Variants in DNAJC1 observed in about 807,000 individuals in gnomAD.
DNAJC1 encodes the protein dnaJ homolog subfamily C member 1.
Under a neutral mutation model 76.6 loss-of-function variants are expected in DNAJC1, and 58 were observed. The observed-to-expected ratio is 0.76, with a 90% confidence interval of 0.61 to 0.94. The LOEUF (loss-of-function observed/expected upper bound fraction) is 0.94. Ranked by LOEUF, DNAJC1 falls within the 40% of genes least tolerant of loss-of-function variation. The probability of loss-of-function intolerance (pLI) is 0.00; values close to 1 mark genes in which losing one functional copy is unlikely to be tolerated. For synonymous variants in DNAJC1, 258 were observed against 267.9 expected, an observed-to-expected ratio of 0.96 and a Z score of 0.36; for missense variants, 689 against 677.3, an observed-to-expected ratio of 1.02 and a Z score of -0.19.
At chr10:21,902,996 T>C (rs533337174) in intron 7 of DNAJC1, among the ~76,000 whole-genome samples, 1 of 152,198 alleles carries the variant, frequency 6.6e-6, no homozygotes, top group African/African-American at 2.4e-5. Context: ...GGCGTGATCT[T>C]GGCTCACTGC....
At chr10:21,900,380 T>C (rs1836630850) in intron 7 of DNAJC1, among the ~76,000 whole-genome samples, 1 of 151,150 alleles carries the variant, frequency 6.6e-6, no homozygotes. Flanking sequence ...GATAAAGAAA[T>C]TTGACTAATT....
At chr10:21,830,385 CAAT>C (rs1224932026) in intron 8 of DNAJC1, among the ~76,000 whole-genome samples, 1 of 152,144 alleles carries the variant, frequency 6.6e-6, no homozygotes. Context: ...GCTAAGTTGA[CAAT>C]GATTTCCCTC....
At chr10:21,887,307 T>C (rs1349312542) in intron 7 of DNAJC1, among the ~76,000 whole-genome samples, 1 of 152,192 alleles carries the variant, frequency 6.6e-6, no homozygotes, top group Non-Finnish European at 1.5e-5. Flanking sequence ...TAAATGGTCA[T>C]ATTGCTCAAA....
chr10:21,945,530 T>G (rs1447369461), intron 1 of DNAJC1, among the ~76,000 whole-genome samples: 1 of 152,068 alleles, frequency 6.6e-6, no homozygotes, highest in Non-Finnish European at 1.5e-5. Flanking sequence ...ATCCAAAATA[T>G]GGGAGAAAAG....
In DNAJC1 at chr10:21,802,819, T is replaced by TA. The variant is rs1392271808; in HGVS notation, c.1098+3160dup. 2.6e-5 allele frequency among the ~76,000 whole-genome samples: 4 copies of TA among 152,268 alleles called. No homozygotes were observed. In the East Asian group the frequency reaches 7.7e-4, roughly 29 times the overall value. ...GACCTTAATTTAGGAAACCTGCAGT[T>TA]AATCATCATGTTAAAGTTGGTTTTA... On this transcript the variant is annotated intron_variant, in intron 9 of 11. Transcript: ENST00000376980.
chr10:21,989,544 T>C (rs923272714), intron 1 of DNAJC1, among the ~76,000 whole-genome samples: 3 of 152,012 alleles, frequency 2.0e-5, no homozygotes, highest in African/African-American at 7.2e-5. Context: ...TACCAAGGCC[T>C]GGGATCACAG....
intron 7 of DNAJC1, among the ~76,000 whole-genome samples, chr10:21,902,587 G>A (rs979349779): frequency 3.9e-5 from 6 of 152,226 alleles, no homozygotes; most frequent in Admixed American, 3.9e-4. Flanking sequence ...TTACAGGTGT[G>A]AGCCACTGTG....
intron 9 of DNAJC1, among the ~76,000 whole-genome samples, chr10:21,794,964 A>C (rs1376354663): frequency 6.6e-6 from 1 of 152,016 alleles, no homozygotes; most frequent in African/African-American, 2.4e-5. Context: ...GAATCTGAAA[A>C]TCTGAAATCT....
chr10:21,763,184 G>A (rs1355299556), intron 10 of DNAJC1, among the ~76,000 whole-genome samples: 1 of 152,154 alleles, frequency 6.6e-6, no homozygotes, highest in East Asian at 1.9e-4. Flanking sequence ...GCCCATCTTG[G>A]CCTCCCAAAG....
chr10:21,868,454 T>C (rs547290118), intron 8 of DNAJC1, among the ~76,000 whole-genome samples: 62 of 152,088 alleles, frequency 4.1e-4, no homozygotes, highest in African/African-American at 1.5e-3. Context: ...AATAATTACA[T>C]GAACTGTAGT....
intron 1 of DNAJC1, among the ~76,000 whole-genome samples, chr10:21,929,710 A>G (rs1399034224): frequency 1.3e-5 from 2 of 152,160 alleles, no homozygotes; most frequent in Admixed American, 6.5e-5. Context: ...TAAATATACT[A>G]TACTTATTTA....
chr10:21,787,561 G>T (rs1834628236), intron 9 of DNAJC1, among the ~76,000 whole-genome samples: 1 of 152,112 alleles, frequency 6.6e-6, no homozygotes, highest in African/African-American at 2.4e-5. Context: ...ATAACCAAAG[G>T]AGAGTGCTGG....
chr10:21,792,171 T>C (rs944153805), intron 9 of DNAJC1, among the ~76,000 whole-genome samples: 1 of 152,056 alleles, frequency 6.6e-6, no homozygotes, highest in African/African-American at 2.4e-5. Context: ...CAAGAAGAAA[T>C]AGAAAATCTG....
intron 8 of DNAJC1, among the ~76,000 whole-genome samples, chr10:21,870,906 T>C (rs1235729777): frequency 6.6e-6 from 1 of 152,032 alleles, no homozygotes; most frequent in African/African-American, 2.4e-5. Context: ...CCACTGTTCC[T>C]GGGTGACCAC....
At chr10:21,978,773 C>G (rs1829298537) in intron 1 of DNAJC1, among the ~76,000 whole-genome samples, 1 of 152,002 alleles carries the variant, frequency 6.6e-6, no homozygotes, top group African/African-American at 2.4e-5. Flanking sequence ...GGTAAAAATA[C>G]TTTTAAAAAC....
intron 8 of DNAJC1, among the ~76,000 whole-genome samples, chr10:21,861,881 T>C (rs1035990073): frequency 6.6e-6 from 1 of 152,052 alleles, no homozygotes; most frequent in Admixed American, 6.6e-5. Context: ...TCTGGAGTAG[T>C]CATTCTTTCA....
chr10:21,875,625 C>G lies in DNAJC1; in HGVS notation c.978+6657G>C, dbSNP rs547154345. Among the ~76,000 whole-genome samples the G allele has an allele frequency of 2.0e-5, 3 of 152,134 alleles. No homozygotes were observed. The South Asian group carries it at 6.2e-4, about 32-fold the overall frequency. On this transcript the variant is annotated intron_variant, in intron 8 of 11. Coordinates refer to ENST00000376980, the MANE Select transcript of DNAJC1 (RefSeq NM_022365.4). ...GAAAAATGTATAATATACAGAGAAA[C>G]CATTAGAATTAAAAAATAAGCTAGG...
intron 7 of DNAJC1, among the ~76,000 whole-genome samples, chr10:21,894,046 T>C (rs1836501042): frequency 6.6e-6 from 1 of 152,074 alleles, no homozygotes; most frequent in African/African-American, 2.4e-5. Context: ...TTTGACAACT[T>C]AGATGAAAAA....
At chr10:21,834,049 G>A (rs1835407519) in intron 8 of DNAJC1, among the ~76,000 whole-genome samples, 1 of 152,084 alleles carries the variant, frequency 6.6e-6, no homozygotes, top group Non-Finnish European at 1.5e-5. Context: ...CGGACCACGA[G>A]GTCAGGAGAT....
Sources: allele counts gnomAD v4.1 joint callset (sites outside exome capture counted in the v4.1 genomes callset), GRCh38; gene constraint gnomAD v4.1.1; transcripts MANE v1.5; gene names NCBI Gene and HGNC (gene_info 2026-07-23, HGNC 2026-07-21).